The following INPP4A variants were observed in gnomAD, a reference collection of about 807,000 sequenced individuals.
INPP4A encodes the protein inositol polyphosphate-4-phosphatase, type I, 107kD.
Under a neutral mutation model 119.8 loss-of-function variants are expected in INPP4A, and 33 were observed. The ratio of observed to expected loss-of-function variants is 0.28; its 90% CI spans 0.21 to 0.37. The LOEUF is 0.37. Ranked by LOEUF, INPP4A falls within the 10% of genes least tolerant of loss-of-function variation. INPP4A has a pLI of 1.00. For missense variants in INPP4A, 956 were observed against 1,289.9 expected (o/e 0.74, Z 3.97); for synonymous variants, 496 against 500.7 (o/e 0.99, Z 0.12).
At chr2:98,549,011 G>A (rs771875437) in intron 13 of INPP4A, 54 of 1,598,474 alleles carry the variant, frequency 3.4e-5, no homozygotes, top group Non-Finnish European at 4.2e-5. Context: ...TTTGGGTCTC[G>A]TCCTCATGCA....
intron 1 of INPP4A, among the ~76,000 whole-genome samples, chr2:98,518,383 A>G (rs974144351): frequency 6.6e-6 from 1 of 152,244 alleles, no homozygotes; most frequent in African/African-American, 2.4e-5. Flanking sequence ...TCTTGCGGTC[A>G]TCTGATTCCC....
chr2:98,520,730 A>T lies in INPP4A; in HGVS notation c.150A>T (p.Leu50Phe). 6.9e-7 allele frequency: 1 copy of T among 1,452,454 alleles called. No homozygotes were observed. The highest frequency in any genetic ancestry group is 9.4e-7 in the Non-Finnish European group (1 of 1,066,126). The allele number at this position is 1,452,454 out of a possible 1,614,324, so 90.0% of individuals were successfully genotyped here. ...ATGAGCCCATTTTAGAATTTAGCTT[A>T]GGTAGGTATCTTTCATTATTTTTTT... ...DPDEPILEFS[L>F]ACSELHTPSL... The change falls in exon 4 of 25, where the codon TTA (leucine) becomes TTT (phenylalanine). Residue 50 changes from leucine (L) to phenylalanine (F), a missense_variant and splice_region_variant. By Grantham distance (22) the Leu-to-Phe change is conservative. Coordinates refer to ENST00000409851, the MANE Select transcript of INPP4A (RefSeq NM_001134225.2).
rs1306048304 is a variant in INPP4A at position 98,469,889 on chromosome 2, G to A, written c.-166+24804G>A. ...TCAAATCCCCACATATTGGTGTTGA[G>A]CCAGTCTCTTAGATGCCGAGCCTCA... On this transcript the variant is annotated intron_variant, in intron 1 of 24. Transcript: ENST00000409851. Among the ~76,000 whole-genome samples, 5 of 152,312 alleles carry A rather than the reference G, an allele frequency of 3.3e-5. No individual in the cohort carries two copies. In the East Asian group the frequency reaches 9.6e-4, roughly 29 times the overall value.
At chr2:98,507,313 T>A (rs1451748971) in intron 1 of INPP4A, among the ~76,000 whole-genome samples, 1 of 152,268 alleles carries the variant, frequency 6.6e-6, no homozygotes, top group African/African-American at 2.4e-5. Context: ...TTCTAATTGT[T>A]TAAATGTTCT....
chr2:98,452,196 A>C (rs901971245), intron 1 of INPP4A, among the ~76,000 whole-genome samples: 4 of 152,252 alleles, frequency 2.6e-5, no homozygotes, highest in Admixed American at 2.6e-4. Flanking sequence ...TGGCCTGTGG[A>C]GCAAAGGGTC....
intron 5 of INPP4A, among the ~76,000 whole-genome samples, chr2:98,534,865 C>G (rs1689931473): frequency 1.3e-5 from 2 of 152,180 alleles, no homozygotes; most frequent in Non-Finnish European, 2.9e-5. Context: ...AAGGGGAGTT[C>G]ATGATCACTG....
intron 1 of INPP4A, among the ~76,000 whole-genome samples, chr2:98,477,245 T>G (rs918815632): frequency 6.6e-6 from 1 of 152,242 alleles, no homozygotes; most frequent in Non-Finnish European, 1.5e-5. Context: ...ATGGTCTGGC[T>G]CTGGGGCCAT....
Position 98,588,706 on chromosome 2 carries a change from G to A in INPP4A, c.*1098G>A. On this transcript the variant is annotated 3_prime_UTR_variant, in exon 25 of 25. Transcript: ENST00000409851. Reference sequence around the variant, plus strand: ...AGGGATTTATGGGCCATAAAACTTAGGAATTTCATAGAAAATTTTGTCTGG... The same window carrying A: ...AGGGATTTATGGGCCATAAAACTTAAGAATTTCATAGAAAATTTTGTCTGG... 4.5e-6 allele frequency: 1 copy of A among 222,074 alleles called. No homozygotes were observed. Among genetic ancestry groups the A allele is most frequent in the Non-Finnish European group, 9.0e-6 (1 of 111,178 alleles). The allele number at this position is 222,074 out of a possible 1,614,324, so 13.8% of individuals were successfully genotyped here. A position where few individuals can be genotyped will look rare whatever the true frequency, so the allele number is the denominator to read the frequency against.
At chr2:98,524,860 G>A (rs570297195) in intron 4 of INPP4A, among the ~76,000 whole-genome samples, 2 of 152,280 alleles carry the variant, frequency 1.3e-5, no homozygotes, top group African/African-American at 4.8e-5. Context: ...GCAAAGATTT[G>A]GACAGAGCAC....
chr2:98,464,076 A>G (rs1038655871), intron 1 of INPP4A, among the ~76,000 whole-genome samples: 4 of 152,010 alleles, frequency 2.6e-5, no homozygotes, highest in Non-Finnish European at 4.4e-5. Context: ...CTTTTTCTTC[A>G]TTTTTTCTTT....
At chr2:98,587,407 A>T in intron 24 of INPP4A, 69 bp from the exon 25 acceptor site, 1 of 1,411,400 alleles carries the variant, frequency 7.1e-7, no homozygotes. Flanking sequence ...AGTTCATTTC[A>T]TCTTAGTTTA....
chr2:98,487,798 C>T (rs911288209), intron 1 of INPP4A, among the ~76,000 whole-genome samples: 3 of 152,176 alleles, frequency 2.0e-5, no homozygotes, highest in Admixed American at 1.3e-4. Context: ...AGTAATGTTT[C>T]GAGGAGCTGG....
chr2:98,563,341 A>T, intron 17 of INPP4A, 124 bp from the exon 18 acceptor site: 1 of 885,102 alleles, frequency 1.1e-6, no homozygotes, highest in Non-Finnish European at 1.8e-6. Flanking sequence ...GAGCTGGAAG[A>T]TGAGGTGGAG....
intron 1 of INPP4A, among the ~76,000 whole-genome samples, chr2:98,502,517 A>G (rs562464981): frequency 6.6e-6 from 1 of 152,206 alleles, no homozygotes; most frequent in South Asian, 2.1e-4. Context: ...GTAATTTTAC[A>G]TATGATATGT....
intron 17 of INPP4A, among the ~76,000 whole-genome samples, chr2:98,562,617 G>A (rs1695694484): frequency 6.6e-6 from 1 of 152,172 alleles, no homozygotes. Context: ...AGTGGTGATG[G>A]TCACATGCCT....
At chr2:98,506,952 G>A (rs1455491118) in intron 1 of INPP4A, among the ~76,000 whole-genome samples, 3 of 152,258 alleles carry the variant, frequency 2.0e-5, no homozygotes, top group Non-Finnish European at 4.4e-5. Context: ...TCATTCAGAG[G>A]AGGAAAACGA....
At chr2:98,462,966 C>T (rs1455594554) in intron 1 of INPP4A, among the ~76,000 whole-genome samples, 1 of 152,174 alleles carries the variant, frequency 6.6e-6, no homozygotes, top group Non-Finnish European at 1.5e-5. Context: ...CTCAGCCTCC[C>T]AAGTGGCTGG....
At chr2:98,579,311 A>G (rs112817483) in intron 24 of INPP4A, among the ~76,000 whole-genome samples, 5,514 of 152,298 alleles carry the variant, frequency 0.036, 339 homozygotes, top group African/African-American at 0.13. Context: ...TTGGCCTCCC[A>G]TAGTGCTGGG....
intron 1 of INPP4A, among the ~76,000 whole-genome samples, chr2:98,508,106 A>G (rs965342910): frequency 1.3e-5 from 2 of 152,136 alleles, no homozygotes; most frequent in African/African-American, 2.4e-5. Context: ...AGCTGCAGCC[A>G]CACCTCTCCT....
Sources: allele counts gnomAD v4.1 joint callset (sites outside exome capture counted in the v4.1 genomes callset), GRCh38; gene constraint gnomAD v4.1.1; transcripts MANE v1.5; gene names NCBI Gene and HGNC (gene_info 2026-07-23, HGNC 2026-07-21).